DCAF5: variants seen among roughly 807,000 people sequenced by gnomAD.
DCAF5 encodes the protein DDB1 and CUL4 associated factor 5.
Under a neutral mutation model 80.7 loss-of-function variants are expected in DCAF5, and 9 were observed. The ratio of observed to expected loss-of-function variants is 0.11; its 90% confidence interval spans 0.07 to 0.19. DCAF5 has a LOEUF of 0.19. Ranked by LOEUF, DCAF5 falls within the 10% of genes least tolerant of loss-of-function variation. The probability of loss-of-function intolerance (pLI) is 1.00; values close to 1 mark genes in which losing one functional copy is unlikely to be tolerated. For synonymous variants in DCAF5, 433 were observed against 461.9 expected (o/e 0.94, Z 0.80); for missense variants, 842 against 1,205.7 (o/e 0.70, Z 4.47).
intron 7 of DCAF5, among the ~76,000 whole-genome samples, chr14:69,067,614 G>T (rs1317850057): frequency 6.6e-6 from 1 of 151,640 alleles, no homozygotes; most frequent in African/African-American, 2.4e-5. Flanking sequence ...GGAAGTGCTG[G>T]GATTACAGGT....
intron 6 of DCAF5, among the ~76,000 whole-genome samples, chr14:69,078,600 A>G (rs2038983823): frequency 1.3e-5 from 2 of 152,252 alleles, no homozygotes; most frequent in Non-Finnish European, 2.9e-5. Context: ...ATTCTGACAC[A>G]TGCTACAACA....
chr14:69,132,452 T>C lies in DCAF5; in HGVS notation c.215-10092A>G, dbSNP rs180801435. On this transcript the variant is annotated intron_variant, in intron 1 of 8. Coordinates refer to ENST00000341516, the MANE Select transcript of DCAF5 (RefSeq NM_003861.3). ...CATTCTACAAACAGTTTGAGTTATC[T>C]TTCTTCATGAGTACCTACCCTGAAA... Among the ~76,000 whole-genome samples the C allele has an allele frequency of 3.0e-3, 455 of 152,332 alleles. 2 individuals are homozygous for C. Among genetic ancestry groups the C allele is most frequent in the African/African-American group, 0.011 (437 of 41,578 alleles).
At chr14:69,076,454 C>T (rs2038902222) in intron 6 of DCAF5, among the ~76,000 whole-genome samples, 1 of 152,102 alleles carries the variant, frequency 6.6e-6, no homozygotes, top group Admixed American at 6.5e-5. Flanking sequence ...TATTATTCAG[C>T]CTTTAAAAGG....
At chr14:69,144,327 C>G (rs1421580758) in intron 1 of DCAF5, among the ~76,000 whole-genome samples, 5 of 151,790 alleles carry the variant, frequency 3.3e-5, no homozygotes, top group African/African-American at 1.2e-4. Flanking sequence ...AATCACAGCA[C>G]TTTGGGAGGC....
Position 69,152,571 on chromosome 14 carries a change from T to C in DCAF5, c.214+194A>G, listed in dbSNP as rs1177901393. The C allele has an allele frequency of 5.1e-6, 3 of 587,534 alleles. No homozygotes were observed. The highest frequency in any genetic ancestry group is 2.9e-5 in the East Asian group (1 of 34,906). 36.4% of individuals were successfully genotyped at this position (587,534 alleles called of 1,614,324 possible). On this transcript the variant is annotated intron_variant, in intron 1 of 8. Transcript: ENST00000341516. The surrounding 1 kb of genome is among the most constrained non-coding windows in gnomAD (Gnocchi z 4.1). The stretch of plus-strand genomic sequence containing the variant: ...GAGCTGTCAACCATTTTAGGTCTTT[T>C]TTATAGAAGACATCCTCTCCTTCCC...
chr14:69,061,155 CTAATTTT>C (rs1178049091), intron 8 of DCAF5, among the ~76,000 whole-genome samples: 1 of 151,972 alleles, frequency 6.6e-6, no homozygotes, highest in Non-Finnish European at 1.5e-5. Context: ...CAGGTATACA[CTAATTTT>C]TAAATTTTTT....
intron 1 of DCAF5, among the ~76,000 whole-genome samples, chr14:69,135,373 T>A (rs2041159469): frequency 6.6e-6 from 1 of 152,132 alleles, no homozygotes. Context: ...TAAAAATAAT[T>A]GTATCAAATT....
intron 7 of DCAF5, among the ~76,000 whole-genome samples, chr14:69,070,793 T>G (rs1415718000): frequency 2.0e-5 from 3 of 150,960 alleles, no homozygotes; most frequent in African/African-American, 7.3e-5. Flanking sequence ...TATTTTTCTT[T>G]TTTTTTTTTT....
At chr14:69,075,316 C>A in intron 7 of DCAF5, 29 bp downstream of exon 7, 1 of 1,589,152 alleles carries the variant, frequency 6.3e-7, no homozygotes, top group Non-Finnish European at 8.6e-7. Flanking sequence ...CCAGCAATAG[C>A]AGTACATTCA....
intron 1 of DCAF5, among the ~76,000 whole-genome samples, chr14:69,126,217 G>A: frequency 6.7e-6 from 1 of 150,360 alleles, no homozygotes; most frequent in Non-Finnish European, 1.5e-5. Flanking sequence ...GAGTGCAATG[G>A]CGCAATCTCA....
At chr14:69,124,127 T>C (rs1024674619) in intron 1 of DCAF5, among the ~76,000 whole-genome samples, 10 of 152,192 alleles carry the variant, frequency 6.6e-5, no homozygotes, top group African/African-American at 2.2e-4. Flanking sequence ...TCAAGGTGCA[T>C]CCAGGTCGTG....
chr14:69,136,539 T>A (rs1229732403), intron 1 of DCAF5, among the ~76,000 whole-genome samples: 7 of 152,246 alleles, frequency 4.6e-5, no homozygotes, highest in African/African-American at 1.7e-4. Context: ...CTCGCTATTT[T>A]TTTTTAATTT....
intron 5 of DCAF5, among the ~76,000 whole-genome samples, chr14:69,095,050 A>G (rs2039656002): frequency 6.6e-6 from 1 of 152,204 alleles, no homozygotes; most frequent in Non-Finnish European, 1.5e-5. Context: ...TTATGGTCTC[A>G]TGTCTGTTCG....
chr14:69,128,391 G>A (rs980558401), intron 1 of DCAF5, among the ~76,000 whole-genome samples: 2 of 152,106 alleles, frequency 1.3e-5, no homozygotes, highest in South Asian at 2.1e-4. Context: ...TCACCATGTT[G>A]CCCAGGCTGG....
chr14:69,139,970 G>A (rs1482947061), intron 1 of DCAF5, among the ~76,000 whole-genome samples: 1 of 151,632 alleles, frequency 6.6e-6, no homozygotes, highest in Admixed American at 6.6e-5. Flanking sequence ...AAAGAAAGAA[G>A]AAAAGAGAAG....
At chr14:69,143,827 T>C (rs1192811349) in intron 1 of DCAF5, 3 of 152,362 alleles carry the variant, frequency 2.0e-5, no homozygotes, top group African/African-American at 7.2e-5. Flanking sequence ...TTTTCACCCC[T>C]AGAATTACGT....
At chr14:69,104,818 T>C (rs56868917) in intron 5 of DCAF5, among the ~76,000 whole-genome samples, 8,119 of 151,432 alleles carry the variant, frequency 0.054, 321 homozygotes, top group Non-Finnish European at 0.084. Flanking sequence ...GATAGCGCCA[T>C]TGCACTCCAG....
Position 69,062,420 on chromosome 14 carries a change from G to A in DCAF5, c.1038C>T (p.Tyr346=). Residue 346 remains tyrosine (Y), a synonymous_variant, in exon 8 of 9, where the codon TAC becomes TAT. Transcript: ENST00000341516. ...TTTCTACACCAGAAGAGCAGATCAT[G>A]TAGGTGTGGGGATTAAATCGGACTT... ...VNQVRFNPHT[Y]MICSSGVEKI... 3 of 1,614,112 alleles carry A rather than the reference G, an allele frequency of 1.9e-6. No individual in the cohort carries two copies. The African/African-American group carries it at 4.0e-5, about 22-fold the overall frequency.
At chr14:69,109,867 T>C (rs184864510) in intron 5 of DCAF5, among the ~76,000 whole-genome samples, 3 of 152,352 alleles carry the variant, frequency 2.0e-5, no homozygotes, top group Admixed American at 6.5e-5. Context: ...CATGGAGTTA[T>C]GGTGTTTAGC....
Sources: allele counts gnomAD v4.1 joint callset (sites outside exome capture counted in the v4.1 genomes callset), GRCh38; gene constraint gnomAD v4.1.1; non-coding constraint Gnocchi (gnomAD v3.1); transcripts MANE v1.5; gene names NCBI Gene and HGNC (gene_info 2026-07-23, HGNC 2026-07-21).